The following SFXN4 variants were observed in gnomAD, a reference collection of about 807,000 sequenced individuals.
The protein encoded by SFXN4 is sideroflexin 4.
SFXN4 carries 48 observed loss-of-function variants against 54.6 expected under a neutral mutation model. That is an observed-to-expected ratio of 0.88 (90% CI 0.70 to 1.12). SFXN4 has a LOEUF of 1.12. SFXN4 is among the 50% of genes most tolerant of loss of function. The probability of loss-of-function intolerance (pLI) is 0.00; values close to 1 mark genes in which losing one functional copy is unlikely to be tolerated. For missense variants in SFXN4, 383 were observed against 409.2 expected (o/e 0.94, Z 0.55); for synonymous variants, 130 against 145.5 (o/e 0.89, Z 0.77).
At chr10:119,145,204 C>A (rs1168987824) in intron 13 of SFXN4, among the ~76,000 whole-genome samples, 1 of 152,104 alleles carries the variant, frequency 6.6e-6, no homozygotes, top group Non-Finnish European at 1.5e-5. Context: ...CCTCTTCCTC[C>A]TCCGCAGCCT....
intron 10 of SFXN4, 24 bp from the exon 11 acceptor site, chr10:119,155,201 A>G (rs745528528): frequency 2.0e-6 from 3 of 1,511,248 alleles, no homozygotes; most frequent in Non-Finnish European, 1.8e-6. Flanking sequence ...GAAGTAAAGA[A>G]CACCCAAGAC....
At chr10:119,153,953 G>A (rs920191358) in intron 11 of SFXN4, among the ~76,000 whole-genome samples, 3 of 152,038 alleles carry the variant, frequency 2.0e-5, no homozygotes, top group African/African-American at 7.2e-5. Flanking sequence ...CGAGGCGGGC[G>A]GAACACCTGA....
In SFXN4 at chr10:119,164,320, T is replaced by A. The variant is rs565512204; in HGVS notation, c.112-124A>T. 5.0e-6 allele frequency: 3 copies of A among 596,264 alleles called. No homozygotes were observed. The Admixed American group carries it at 1.1e-4, about 21-fold the overall frequency. The allele number at this position is 596,264 out of a possible 1,614,324, so 36.9% of individuals were successfully genotyped here. Reference sequence around the variant, plus strand: ...CCAGGGTCTGTGATCTGCCTTTTACTGGCATCATCTCCTGGGATCCTCCCA... The same window carrying A: ...CCAGGGTCTGTGATCTGCCTTTTACAGGCATCATCTCCTGGGATCCTCCCA... On this transcript the variant is annotated intron_variant, in intron 1 of 13. Transcript: ENST00000355697.
At chr10:119,150,294 G>C (rs543162393) in intron 11 of SFXN4, among the ~76,000 whole-genome samples, 1 of 152,212 alleles carries the variant, frequency 6.6e-6, no homozygotes, top group Non-Finnish European at 1.5e-5. Context: ...GGGGCTGCTG[G>C]GGAGACGGGG....
chr10:119,162,484 T>A, intron 2 of SFXN4, 70 bp from the exon 3 acceptor site: 2 of 1,277,720 alleles, frequency 1.6e-6, no homozygotes, highest in Non-Finnish European at 2.3e-6. Flanking sequence ...GAGGTAGGAA[T>A]CACCAGCTCA....
chr10:119,158,468 T>A (rs1847365381), intron 6 of SFXN4, among the ~76,000 whole-genome samples: 1 of 149,456 alleles, frequency 6.7e-6, no homozygotes, highest in Admixed American at 6.7e-5. Context: ...AAACAGAAAT[T>A]AGCCGGGTGT....
intron 10 of SFXN4, among the ~76,000 whole-genome samples, 178 bp downstream of exon 10, chr10:119,156,500 A>G (rs1169115633): frequency 6.6e-6 from 1 of 152,192 alleles, no homozygotes; most frequent in African/African-American, 2.4e-5. Flanking sequence ...TATCTACAGA[A>G]AGTGTCACCT....
intron 13 of SFXN4, among the ~76,000 whole-genome samples, chr10:119,143,445 C>T (rs1194082896): frequency 6.6e-6 from 1 of 151,974 alleles, no homozygotes; most frequent in East Asian, 1.9e-4. Flanking sequence ...AGGTGATCTT[C>T]CTACCTCAGC....
In SFXN4 at chr10:119,162,329, G is replaced by A. The variant is rs767626972; in HGVS notation, c.252+11C>T. 28 of 1,613,234 alleles carry A rather than the reference G, an allele frequency of 1.7e-5. No homozygotes were observed. The highest frequency in any genetic ancestry group is 1.5e-4 in the Admixed American group (9 of 59,984). On this transcript the variant is annotated intron_variant, in intron 3 of 13. Transcript: ENST00000355697. ...AGGGCAACCAGCCAGACCTGAGCAC[G>A]TGAAACATACCCTTTGGTCCGCCGA...
At chr10:119,151,108 G>A (rs1225924137) in intron 11 of SFXN4, among the ~76,000 whole-genome samples, 1 of 152,176 alleles carries the variant, frequency 6.6e-6, no homozygotes, top group East Asian at 1.9e-4. Context: ...GGGGGCTCAC[G>A]CCTGTAATCC....
chr10:119,142,889 G>A (rs1846605767), intron 13 of SFXN4, among the ~76,000 whole-genome samples: 1 of 151,928 alleles, frequency 6.6e-6, no homozygotes, highest in Admixed American at 6.6e-5. Flanking sequence ...CTGCCACCAT[G>A]CCTGGCTAAT....
intron 13 of SFXN4, among the ~76,000 whole-genome samples, chr10:119,144,946 T>C (rs1846724947): frequency 6.6e-6 from 1 of 152,178 alleles, no homozygotes; most frequent in Non-Finnish European, 1.5e-5. Context: ...GGCGTAGTTA[T>C]AGAACATTTT....
At chr10:119,159,261 C>G (rs985323776) in intron 6 of SFXN4, among the ~76,000 whole-genome samples, 2 of 151,928 alleles carry the variant, frequency 1.3e-5, no homozygotes, top group Non-Finnish European at 2.9e-5. Context: ...GCCTGGGCAA[C>G]AGAGCCAGAC....
intron 13 of SFXN4, among the ~76,000 whole-genome samples, chr10:119,142,542 G>A (rs1846574793): frequency 1.7e-5 from 1 of 59,660 alleles, no homozygotes; most frequent in African/African-American, 5.4e-5. Context: ...AGGATATTTT[G>A]TGTCTTTTTT....
intron 6 of SFXN4, among the ~76,000 whole-genome samples, chr10:119,159,382 AGAG>A (rs1297771798): frequency 1.3e-5 from 2 of 152,176 alleles, no homozygotes; most frequent in Non-Finnish European, 2.9e-5. Context: ...GGGCTGTGTC[AGAG>A]GAGGACTTGG....
intron 3 of SFXN4, among the ~76,000 whole-genome samples, chr10:119,161,437 C>CAAAAAAAAAAAAAAACCAA (rs1554888747): frequency 2.5e-5 from 3 of 119,822 alleles, no homozygotes; most frequent in Admixed American, 9.0e-5. Context: ...CAAAAAAAAA[C>CAAAAAAAAAAAAAAACCAA]AAAAAAAAAA....
intron 13 of SFXN4, among the ~76,000 whole-genome samples, chr10:119,144,795 C>T (rs1269658397): frequency 2.6e-5 from 4 of 152,140 alleles, no homozygotes; most frequent in Non-Finnish European, 5.9e-5. Context: ...TAAAATTTAA[C>T]TTAATTTACA....
chr10:119,159,098 G>A (rs1847405417), intron 6 of SFXN4, among the ~76,000 whole-genome samples: 1 of 152,016 alleles, frequency 6.6e-6, no homozygotes, highest in East Asian at 1.9e-4. Context: ...TAGCCAACAT[G>A]GCAAAACCCC....
intron 12 of SFXN4, among the ~76,000 whole-genome samples, chr10:119,147,227 C>T (rs1846854671): frequency 6.6e-6 from 1 of 152,144 alleles, no homozygotes; most frequent in African/African-American, 2.4e-5. Context: ...AATCCTTGCC[C>T]GTTCCGGCCC....
Sources: allele counts gnomAD v4.1 joint callset (sites outside exome capture counted in the v4.1 genomes callset), GRCh38; gene constraint gnomAD v4.1.1; transcripts MANE v1.5; gene names NCBI Gene and HGNC (gene_info 2026-07-23, HGNC 2026-07-21).